The following NME7 variants were observed in gnomAD, a reference collection of about 807,000 sequenced individuals.
NME7 encodes nucleoside diphosphate kinase 7.
Under a neutral mutation model 49.1 loss-of-function variants are expected in NME7, and 41 were observed. The observed-to-expected ratio is 0.83, with a 90% CI of 0.65 to 1.08. The LOEUF (loss-of-function observed/expected upper bound fraction) is 1.08, where lower values mean the gene tolerates loss of function less well. Among genes scored for constraint, NME7 ranks in the 50% least tolerant of loss-of-function variants. The pLI is 0.00. For synonymous variants in NME7, 139 were observed against 150.6 expected, an observed-to-expected ratio of 0.92 and a Z score of 0.56; for missense variants, 423 against 463.4, an observed-to-expected ratio of 0.91 and a Z score of 0.80.
intron 1 of NME7, among the ~76,000 whole-genome samples, chr1:169,352,115 CA>C (rs138123844): frequency 0.015 from 2,241 of 145,834 alleles, 61 homozygotes; most frequent in African/African-American, 0.052. Context: ...AACAACACAT[CA>C]AAAAAAAAAG....
intron 1 of NME7, among the ~76,000 whole-genome samples, chr1:169,327,633 A>T (rs1652106416): frequency 6.6e-6 from 1 of 152,184 alleles, no homozygotes; most frequent in African/African-American, 2.4e-5. Context: ...ACACTGCAAC[A>T]TGCATATATG....
intron 11 of NME7, among the ~76,000 whole-genome samples, chr1:169,143,278 T>TTTTTC (rs1241840599): frequency 1.3e-5 from 2 of 151,020 alleles, no homozygotes; most frequent in Non-Finnish European, 3.0e-5. Context: ...TCAGGCTTTT[T>TTTTTC]TTTTTTTTTT....
intron 1 of NME7, among the ~76,000 whole-genome samples, chr1:169,328,871 C>A (rs1435967052): frequency 6.6e-6 from 1 of 152,140 alleles, no homozygotes; most frequent in Non-Finnish European, 1.5e-5. Flanking sequence ...TAGCTTAGAT[C>A]ATAATACCCA....
chr1:169,196,349 C>A (rs1660379091), intron 10 of NME7, among the ~76,000 whole-genome samples: 1 of 152,172 alleles, frequency 6.6e-6, no homozygotes, highest in South Asian at 2.1e-4. Context: ...AGACAGGCTT[C>A]CTTCTCAAAG....
chr1:169,178,820 C>CTTTTTT lies in NME7; in HGVS notation c.991-9272_991-9267dup, dbSNP rs57619644. Among the ~76,000 whole-genome samples, 104 of 124,306 alleles carry CTTTTTT rather than the reference C, an allele frequency of 8.4e-4. 2 individuals carry two copies. The highest frequency in any genetic ancestry group is 1.7e-3 in the East Asian group (7 of 4,122). 81.5% of individuals were successfully genotyped at this position (124,306 alleles called of 152,430 possible). A position where few individuals can be genotyped will look rare whatever the true frequency, so the allele number is the denominator to read the frequency against. ...ATTAGACTTCTAGCTGAAACCTCTT[C>CTTTTTT]TTTTTTTTTTTTTTTTTTGAGACAG... On this transcript the variant is annotated intron_variant, in intron 10 of 11. Transcript: ENST00000367811.
chr1:169,315,545 C>T (rs190120780), intron 3 of NME7, among the ~76,000 whole-genome samples: 93 of 152,236 alleles, frequency 6.1e-4, no homozygotes, highest in African/African-American at 1.7e-3. Flanking sequence ...GGATTACAAG[C>T]GTGAGCCACC....
chr1:169,177,004 G>A (rs1304614712), intron 10 of NME7, among the ~76,000 whole-genome samples: 1 of 151,882 alleles, frequency 6.6e-6, no homozygotes, highest in Admixed American at 6.6e-5. Flanking sequence ...AAAAATTTAA[G>A]AGGCATTCTT....
chr1:169,155,316 A>G (rs1003898457), intron 11 of NME7, among the ~76,000 whole-genome samples: 3 of 152,224 alleles, frequency 2.0e-5, no homozygotes, highest in Non-Finnish European at 4.4e-5. Flanking sequence ...GCAAAATGGG[A>G]AAAATGAGGG....
intron 10 of NME7, among the ~76,000 whole-genome samples, chr1:169,203,849 C>T (rs988381091): frequency 2.0e-5 from 3 of 151,936 alleles, no homozygotes; most frequent in African/African-American, 7.3e-5. Flanking sequence ...TGGCTGGGAA[C>T]TCGTTTATTT....
intron 1 of NME7, among the ~76,000 whole-genome samples, chr1:169,331,404 A>T (rs1463177155): frequency 6.6e-6 from 1 of 152,210 alleles, no homozygotes. Context: ...TTCCTCTGAG[A>T]TCTGAAACAT....
chr1:169,337,703 T>C (rs1212517637), intron 1 of NME7, among the ~76,000 whole-genome samples: 1 of 152,216 alleles, frequency 6.6e-6, no homozygotes, highest in East Asian at 1.9e-4. Context: ...GTAATTCACA[T>C]TGCTTTACTT....
At chr1:169,142,621 T>C (rs553772763) in intron 11 of NME7, among the ~76,000 whole-genome samples, 1 of 152,308 alleles carries the variant, frequency 6.6e-6, no homozygotes, top group South Asian at 2.1e-4. Context: ...AGGAGAGTAA[T>C]GTTCTATACA....
chr1:169,196,196 C>G (rs948405630), intron 10 of NME7, among the ~76,000 whole-genome samples: 1 of 152,212 alleles, frequency 6.6e-6, no homozygotes, highest in African/African-American at 2.4e-5. Flanking sequence ...TTGAAATATT[C>G]TTACAACTAT....
intron 5 of NME7, chr1:169,302,191 G>A (rs1650967890): frequency 6.6e-6 from 1 of 152,084 alleles, no homozygotes; most frequent in Non-Finnish European, 1.5e-5. Flanking sequence ...GTAGAAAATA[G>A]TTTGGAGTTT....
rs1648924965 is a variant in NME7 at position 169,256,203 on chromosome 1, A to G, written c.755-18516T>C. Among the ~76,000 whole-genome samples, 3 of 133,272 alleles carry G rather than the reference A, an allele frequency of 2.3e-5. 1 individual carries two copies. The South Asian group carries it at 6.9e-4, about 31-fold the overall frequency. 87.4% of individuals were successfully genotyped at this position (133,272 alleles called of 152,430 possible). On this transcript the variant is annotated intron_variant, in intron 7 of 11. Transcript: ENST00000367811. ...CTCCCCATCACTTTCAGGTACACCAATCAGACGTAGATTTGGTCTTTTCAC... is the reference window on the plus strand; with the variant it reads ...CTCCCCATCACTTTCAGGTACACCAGTCAGACGTAGATTTGGTCTTTTCAC...
At chr1:169,176,906 G>C (rs1178518693) in intron 10 of NME7, among the ~76,000 whole-genome samples, 1 of 151,986 alleles carries the variant, frequency 6.6e-6, no homozygotes, top group Non-Finnish European at 1.5e-5. Context: ...ATAGAGGATT[G>C]GGTTTTTTGG....
intron 4 of NME7, among the ~76,000 whole-genome samples, chr1:169,303,989 A>G (rs1651077912): frequency 6.6e-6 from 1 of 152,208 alleles, no homozygotes; most frequent in Non-Finnish European, 1.5e-5. Context: ...AGGAAAGACT[A>G]CAGTCGTGTT....
At chr1:169,345,192 T>C (rs1200063) in intron 1 of NME7, among the ~76,000 whole-genome samples, 144,524 of 152,186 alleles carry the variant, frequency 0.95, 68,688 homozygotes, top group African/African-American at 0.99. Context: ...CTTTCATTCC[T>C]GATTTTGATA....
At chr1:169,177,846 GT>G (rs1218905733) in intron 10 of NME7, among the ~76,000 whole-genome samples, 2 of 146,908 alleles carry the variant, frequency 1.4e-5, no homozygotes, top group African/African-American at 5.0e-5. Flanking sequence ...TTTGTTTTTT[GT>G]TTTTTTTGAG....
Sources: gnomAD v4.1 joint callset for allele counts (sites outside exome capture counted in the v4.1 genomes callset) on GRCh38, gnomAD v4.1.1 for gene constraint, MANE v1.5 for transcripts, NCBI Gene and HGNC (gene_info 2026-07-23, HGNC 2026-07-21) for gene names.